Variants in PARD3 observed in about 807,000 individuals in gnomAD.
The protein encoded by PARD3 is partitioning defective 3 homolog.
PARD3 carries 75 observed loss-of-function variants against 155.4 expected under a neutral mutation model. The observed-to-expected ratio is 0.48, with a 90% CI of 0.40 to 0.58. PARD3 has a LOEUF of 0.58. Ranked by LOEUF, PARD3 falls within the 20% of genes least tolerant of loss-of-function variation. PARD3 has a pLI of 0.00. For missense variants in PARD3, 1,642 were observed against 1,721.7 expected, an observed-to-expected ratio of 0.95 and a Z score of 0.82; for synonymous variants, 576 against 610.5, an observed-to-expected ratio of 0.94 and a Z score of 0.83.
At chr10:34,119,549 C>A in intron 24 of PARD3, 64 bp downstream of exon 24, 1 of 1,491,646 alleles carries the variant, frequency 6.7e-7, no homozygotes, top group African/African-American at 1.4e-5. Flanking sequence ...GGAGCGCGTT[C>A]CTAAAGGGCG....
intron 1 of PARD3, among the ~76,000 whole-genome samples, chr10:34,701,364 TG>T (rs1255892710): frequency 6.6e-6 from 1 of 151,666 alleles, no homozygotes; most frequent in East Asian, 1.9e-4. Context: ...TTGTTGTTGT[TG>T]TTGTTGTTGT....
chr10:34,807,780 ATAAT>A (rs1843590681), intron 1 of PARD3, among the ~76,000 whole-genome samples: 1 of 152,140 alleles, frequency 6.6e-6, no homozygotes, highest in Non-Finnish European at 1.5e-5. Flanking sequence ...AAAAAAATAA[ATAAT>A]TGATATTTAA....
At chr10:34,519,140 G>C (rs1354716778) in intron 2 of PARD3, among the ~76,000 whole-genome samples, 5 of 152,164 alleles carry the variant, frequency 3.3e-5, no homozygotes, top group African/African-American at 9.7e-5. Flanking sequence ...AAAGAACAAG[G>C]AGAACGAGGA....
intron 12 of PARD3, among the ~76,000 whole-genome samples, chr10:34,367,825 CT>C (rs1840125351): frequency 6.6e-6 from 1 of 152,250 alleles, no homozygotes; most frequent in Admixed American, 6.5e-5. Flanking sequence ...ACTTGAGACT[CT>C]AACCTTTCTG....
chr10:34,193,794 T>A (rs1312319270), intron 22 of PARD3, among the ~76,000 whole-genome samples: 1 of 152,200 alleles, frequency 6.6e-6, no homozygotes. Context: ...AGGACCAGCG[T>A]GGGCCACCCT....
At chr10:34,437,209 G>C (rs2076234808) in intron 5 of PARD3, among the ~76,000 whole-genome samples, 1 of 151,974 alleles carries the variant, frequency 6.6e-6, no homozygotes, top group Non-Finnish European at 1.5e-5. Flanking sequence ...TAAGGAATTG[G>C]GACACCTATC....
chr10:34,418,032 T>C (rs940335372), intron 5 of PARD3, among the ~76,000 whole-genome samples: 1 of 152,166 alleles, frequency 6.6e-6, no homozygotes, highest in African/African-American at 2.4e-5. Context: ...TAATTTGTCC[T>C]AACTCTGAAA....
chr10:34,469,516 A>G (rs911755572), intron 4 of PARD3, among the ~76,000 whole-genome samples: 1 of 152,242 alleles, frequency 6.6e-6, no homozygotes, highest in African/African-American at 2.4e-5. Context: ...AGAAAGTATT[A>G]TGAAGACTAG....
intron 1 of PARD3, among the ~76,000 whole-genome samples, chr10:34,723,030 T>A (rs900560219): frequency 2.0e-5 from 3 of 152,098 alleles, no homozygotes; most frequent in African/African-American, 7.2e-5. Context: ...TTTTCCCTAA[T>A]GAAAGCATAT....
At chr10:34,477,325 A>G (rs1182754700) in intron 3 of PARD3, among the ~76,000 whole-genome samples, 2 of 152,240 alleles carry the variant, frequency 1.3e-5, no homozygotes, top group Admixed American at 1.3e-4. Context: ...ATCCTCTGAA[A>G]TATTAAAAAG....
chr10:34,696,966 G>A (rs541842021), intron 1 of PARD3, among the ~76,000 whole-genome samples: 10 of 151,040 alleles, frequency 6.6e-5, no homozygotes, highest in African/African-American at 2.4e-4. Flanking sequence ...ATCCTGTGTG[G>A]CTTGAGCCTC....
At chr10:34,418,300 A>G (rs1418404) in intron 5 of PARD3, among the ~76,000 whole-genome samples, 72,584 of 151,786 alleles carry the variant, frequency 0.48, 20,285 homozygotes, top group African/African-American at 0.78. Flanking sequence ...TCAGCCTCCT[A>G]AGTAGCTGAG....
chr10:34,257,165 GGA>G (rs2133779507), intron 22 of PARD3, among the ~76,000 whole-genome samples: 1 of 152,274 alleles, frequency 6.6e-6, no homozygotes, highest in African/African-American at 2.4e-5. Context: ...AGAACATCTG[GGA>G]AGTTAATTTA....
intron 2 of PARD3, among the ~76,000 whole-genome samples, chr10:34,545,589 C>G (rs2083979397): frequency 6.6e-6 from 1 of 152,214 alleles, no homozygotes; most frequent in African/African-American, 2.4e-5. Flanking sequence ...GAGTCTCGCT[C>G]TGTCGCCCAG....
intron 23 of PARD3, among the ~76,000 whole-genome samples, chr10:34,120,233 C>T (rs1013427462): frequency 1.5e-5 from 2 of 137,860 alleles, no homozygotes; most frequent in Admixed American, 1.5e-4. Flanking sequence ...CCTATGTTGT[C>T]CTGGCCTCAA....
At chr10:34,160,249 T>C (rs1034390766) in intron 22 of PARD3, among the ~76,000 whole-genome samples, 33 of 152,164 alleles carry the variant, frequency 2.2e-4, no homozygotes, top group Admixed American at 2.0e-3. Context: ...ATCCTAAATA[T>C]AGGGAAAAAC....
chr10:34,215,572 G>C (rs555321171), intron 22 of PARD3, among the ~76,000 whole-genome samples: 1 of 152,296 alleles, frequency 6.6e-6, no homozygotes, highest in Non-Finnish European at 1.5e-5. Flanking sequence ...TGCATGAACA[G>C]AGCTGACCCA....
intron 2 of PARD3, among the ~76,000 whole-genome samples, chr10:34,544,860 A>T (rs749785584): frequency 5.9e-5 from 9 of 152,190 alleles, no homozygotes; most frequent in Non-Finnish European, 7.4e-5. Flanking sequence ...ACACTGGAGC[A>T]CCTCTTGCTT....
chr10:34,573,725 AAACAAACAAAAACACACACAC>A (rs2086630488), intron 2 of PARD3, among the ~76,000 whole-genome samples: 3 of 112,848 alleles, frequency 2.7e-5, no homozygotes, highest in African/African-American at 1.4e-4. Context: ...ACAAACAAAC[AAACAAACAAAAACACACACAC>A]ACACACACAC....
Sources: gnomAD v4.1 joint callset for allele counts (sites outside exome capture counted in the v4.1 genomes callset) on GRCh38, gnomAD v4.1.1 for gene constraint, MANE v1.5 for transcripts, NCBI Gene and HGNC (gene_info 2026-07-23, HGNC 2026-07-21) for gene names.